Variants in ZNF124 observed in about 807,000 individuals in gnomAD.
ZNF124 encodes the protein zinc finger protein HZF-16.
Under a neutral mutation model 26.6 loss-of-function variants are expected in ZNF124, and 25 were observed. That is an observed-to-expected ratio of 0.94 (90% CI 0.68 to 1.31). ZNF124 has a LOEUF of 1.31. Ranked by LOEUF, ZNF124 falls within the 40% of genes most tolerant of loss-of-function variation. The probability of loss-of-function intolerance (pLI) is 0.00; values close to 1 mark genes in which losing one functional copy is unlikely to be tolerated. For synonymous variants in ZNF124, 129 were observed against 133.3 expected (o/e 0.97, Z 0.22); for missense variants, 444 against 422.2 (o/e 1.05, Z -0.45).
In ZNF124 at chr1:247,168,465, G is replaced by A. The variant is rs1480744213; in HGVS notation, c.30+3383C>T. ...TGAGAATCCCTTGAACCCAGGCGACGGAAGGTTGTAGTGAGCCAAGATCGT... is the reference window on the plus strand; with the variant it reads ...TGAGAATCCCTTGAACCCAGGCGACAGAAGGTTGTAGTGAGCCAAGATCGT... On this transcript the variant is annotated intron_variant, in intron 1 of 3. Coordinates refer to ENST00000543802, the MANE Select transcript of ZNF124 (RefSeq NM_001297568.2). This position sits in a 1 kb window ranked among gnomAD's most constrained non-coding sequence, Gnocchi z 4.0. Among the ~76,000 whole-genome samples, 1 of 152,318 alleles carries A rather than the reference G, an allele frequency of 6.6e-6. No individual in the cohort carries two copies. Among genetic ancestry groups the A allele is most frequent in the South Asian group, 2.1e-4 (1 of 4,828 alleles).
intron 3 of ZNF124, among the ~76,000 whole-genome samples, chr1:247,143,230 C>A (rs3850817): frequency 1.3e-5 from 2 of 151,914 alleles, no homozygotes; most frequent in Non-Finnish European, 2.9e-5. Flanking sequence ...AAGACACACC[C>A]AAATGCCTAT....
At chr1:247,150,958 A>G (rs1672917454), downstream of ZNF124, among the ~76,000 whole-genome samples, 1 of 152,052 alleles carries the variant, frequency 6.6e-6, no homozygotes, top group Admixed American at 6.6e-5. Context: ...TGAGAGAGAT[A>G]CCAAAGAAAG....
chr1:247,162,607 T>A, intron 1 of ZNF124, among the ~76,000 whole-genome samples: 1 of 139,796 alleles, frequency 7.2e-6, no homozygotes, highest in Non-Finnish European at 1.5e-5. Flanking sequence ...ATAAAATATA[T>A]TAACCCTTGG....
chr1:247,156,723 C>CT lies in ZNF124; in HGVS notation c.898dup (p.Arg300LysfsTer8). 1 of 1,613,154 alleles carries CT rather than the reference C, an allele frequency of 6.2e-7. No homozygotes were observed. Among genetic ancestry groups the CT allele is most frequent in the Non-Finnish European group, 8.5e-7 (1 of 1,179,748 alleles). On this transcript the variant is annotated frameshift_variant, in exon 4 of 4. Transcript: ENST00000543802. LOFTEE classifies it high-confidence loss of function. ...ATGGTCACGAAGGGAACTGGAACAT[C>CT]TGAAGCCTTTACCACAATTGTTACA... is the stretch of plus-strand genomic sequence containing the variant.
chr1:247,131,088 TC>T (rs1430507683), intron 3 of ZNF124, among the ~76,000 whole-genome samples: 1 of 152,030 alleles, frequency 6.6e-6, no homozygotes, highest in African/African-American at 2.4e-5. Context: ...ACTAAAAAAC[TC>T]ATAATAAGCA....
downstream of ZNF124, among the ~76,000 whole-genome samples, chr1:247,151,875 G>A (rs1457261756): frequency 6.6e-6 from 1 of 151,488 alleles, no homozygotes; most frequent in East Asian, 1.9e-4. Flanking sequence ...CAACCTACTG[G>A]ATTTTAAAAG....
chr1:247,156,975 C>T lies in ZNF124; in HGVS notation c.647G>A (p.Arg216His), dbSNP rs372024301. ...ATGGTAATGAAGGCAATTGGAGTAA[C>T]GGAAGGCTTTCCCACAGTGCTTACA... Reference protein sequence around the residue: ...YECKHCGKAFRYSNCLHYHER... With the variant: ...YECKHCGKAFHYSNCLHYHER... Residue 216 changes from arginine to histidine, a missense_variant, in exon 4 of 4, where the codon CGT becomes CAT. By Grantham distance (29) the Arg-to-His change is conservative (BLOSUM62 0). Transcript: ENST00000543802. 1.9e-5 allele frequency: 31 copies of T among 1,613,114 alleles called. No homozygotes were observed. The highest frequency in any genetic ancestry group is 9.4e-5 in the African/African-American group (7 of 74,744).
At chr1:247,157,684 G>C (rs1434452818) in intron 3 of ZNF124, among the ~76,000 whole-genome samples, 1 of 152,090 alleles carries the variant, frequency 6.6e-6, no homozygotes, top group Non-Finnish European at 1.5e-5. Flanking sequence ...TAAACAAATT[G>C]AACATAAATG....
chr1:247,124,714 G>A (rs1282946712), intron 3 of ZNF124, among the ~76,000 whole-genome samples: 1 of 152,140 alleles, frequency 6.6e-6, no homozygotes, highest in Non-Finnish European at 1.5e-5. Flanking sequence ...CGCAATATGT[G>A]GGGTTTGTGT....
At chr1:247,137,051 T>C (rs1409136543) in intron 3 of ZNF124, among the ~76,000 whole-genome samples, 1 of 151,750 alleles carries the variant, frequency 6.6e-6, no homozygotes, top group African/African-American at 2.4e-5. Flanking sequence ...GACTTCAAAC[T>C]ATACTACAAG....
At position 247,125,430 on chromosome 1, in the gene ZNF124, C is replaced by CTTTTTTTTTTTTTTTTTTTTTTTTTTTTT. The variant is rs71566695; in HGVS notation, c.219-1588_219-1560dup. On this transcript the variant is annotated intron_variant, in intron 3 of 3. Coordinates refer to the ZNF124 transcript ENST00000472531. ...TATCTTCACCGACACCTGTTTTTGT[C>CTTTTTTTTTTTTTTTTTTTTTTTTTTTTT]TTTTTTTTTTTTTTTTTTTTTTTTT... Among the ~76,000 whole-genome samples, 30 of 43,294 alleles carry CTTTTTTTTTTTTTTTTTTTTTTTTTTTTT rather than the reference C, an allele frequency of 6.9e-4. 9 individuals carry two copies. The highest frequency in any genetic ancestry group is 3.4e-3 in the South Asian group (2 of 596). The allele number at this position is 43,294 out of a possible 152,430, so 28.4% of individuals were successfully genotyped here. A position where few individuals can be genotyped will look rare whatever the true frequency, so the allele number is the denominator to read the frequency against.
chr1:247,135,023 G>A (rs1316668455), intron 3 of ZNF124, among the ~76,000 whole-genome samples: 1 of 152,132 alleles, frequency 6.6e-6, no homozygotes, highest in Non-Finnish European at 1.5e-5. Flanking sequence ...AATTAAAGCA[G>A]AAATCAAGAA....
At chr1:247,150,631 TAAAAC>T (rs761386381), downstream of ZNF124, among the ~76,000 whole-genome samples, 1 of 151,550 alleles carries the variant, frequency 6.6e-6, no homozygotes, top group African/African-American at 2.4e-5. Context: ...ATTTCTTAAA[TAAAAC>T]AAAAAACATT....
chr1:247,159,859 A>C (rs763349425), intron 1 of ZNF124, 46 bp from the exon 2 acceptor site: 14 of 1,573,076 alleles, frequency 8.9e-6, no homozygotes, highest in Non-Finnish European at 1.2e-5. Flanking sequence ...GACTGAAAGC[A>C]CTGGAAATCT....
At chr1:247,143,736 T>G (rs1027274447) in intron 3 of ZNF124, among the ~76,000 whole-genome samples, 2 of 152,188 alleles carry the variant, frequency 1.3e-5, no homozygotes, top group African/African-American at 4.8e-5. Context: ...TGTCTTTGGT[T>G]TACCCAAGTA....
intron 3 of ZNF124, among the ~76,000 whole-genome samples, chr1:247,144,867 C>G (rs540734732): frequency 6.6e-5 from 10 of 152,000 alleles, no homozygotes; most frequent in Non-Finnish European, 1.2e-4. Flanking sequence ...CCTCCGCCTC[C>G]CAGGTTCAAG....
At chr1:247,167,565 A>G (rs1673850814) in intron 1 of ZNF124, among the ~76,000 whole-genome samples, 1 of 152,212 alleles carries the variant, frequency 6.6e-6, no homozygotes, top group African/African-American at 2.4e-5. Context: ...GAAACTACCC[A>G]AAAGAAGAGA....
chr1:247,164,539 G>A (rs957073227), intron 1 of ZNF124, among the ~76,000 whole-genome samples: 8 of 151,832 alleles, frequency 5.3e-5, no homozygotes, highest in African/African-American at 1.9e-4. Flanking sequence ...TAGGAATATA[G>A]CTAACCAGGA....
chr1:247,145,636 T>G (rs948530123), intron 3 of ZNF124, among the ~76,000 whole-genome samples: 1 of 150,976 alleles, frequency 6.6e-6, no homozygotes, highest in African/African-American at 2.4e-5. Context: ...AACTTCTGTT[T>G]TTTTTTTTTT....
Sources: allele counts gnomAD v4.1 joint callset (sites outside exome capture counted in the v4.1 genomes callset), GRCh38; gene constraint gnomAD v4.1.1; non-coding constraint Gnocchi (gnomAD v3.1); transcripts MANE v1.5; gene names NCBI Gene and HGNC (gene_info 2026-07-23, HGNC 2026-07-21).